TACC1: variants seen among roughly 807,000 people sequenced by gnomAD.
The protein encoded by TACC1 is transforming acidic coiled-coil-containing protein 1.
Under a neutral mutation model 84.4 loss-of-function variants are expected in TACC1, and 48 were observed. That is an observed-to-expected ratio of 0.57 (90% confidence interval 0.45 to 0.72). The LOEUF is 0.72. Among genes scored for constraint, TACC1 ranks in the 30% least tolerant of loss-of-function variants. The pLI, the probability that TACC1 is intolerant of heterozygous loss-of-function variation, is 0.00. For missense variants in TACC1, 920 were observed against 973.0 expected, an observed-to-expected ratio of 0.95 and a Z score of 0.72; for synonymous variants, 372 against 376.3, an observed-to-expected ratio of 0.99 and a Z score of 0.13.
chr8:38,803,711 G>T (rs1471485746), intron 2 of TACC1, among the ~76,000 whole-genome samples: 1 of 152,072 alleles, frequency 6.6e-6, no homozygotes, highest in East Asian at 1.9e-4. Context: ...AAAAGATGCT[G>T]GTCTGTAGTT....
upstream of TACC1, chr8:38,785,874 C>T (rs529047044): frequency 7.4e-5 from 20 of 268,626 alleles, no homozygotes; most frequent in Non-Finnish European, 9.2e-5. Context: ...AGGATGAATT[C>T]GAAAGCATCC....
chr8:38,767,409 T>C (rs1812453837), intron 3 of TACC1, among the ~76,000 whole-genome samples: 1 of 152,228 alleles, frequency 6.6e-6, no homozygotes, highest in Non-Finnish European at 1.5e-5. Flanking sequence ...CAAGTCCTTA[T>C]AACCTGGGCC....
intron 3 of TACC1, among the ~76,000 whole-genome samples, chr8:38,768,887 C>A (rs150479476): frequency 8.1e-6 from 1 of 123,928 alleles, no homozygotes; most frequent in Non-Finnish European, 1.7e-5. Flanking sequence ...GTAAGACTGT[C>A]GGGGGAGGTG....
At chr8:38,780,465 C>T (rs537893915) in intron 3 of TACC1, among the ~76,000 whole-genome samples, 2 of 152,180 alleles carry the variant, frequency 1.3e-5, no homozygotes, top group South Asian at 2.1e-4. Context: ...CGGGTTCAAG[C>T]CATCTTTTTT....
Position 38,848,417 on chromosome 8 carries a change from A to G in TACC1, c.*394A>G, listed in dbSNP as rs377625506. 51 of 157,520 alleles carry G rather than the reference A, an allele frequency of 3.2e-4. No homozygotes were observed. The highest frequency in any genetic ancestry group is 1.1e-3 in the African/African-American group (48 of 41,752). 9.8% of individuals were successfully genotyped at this position (157,520 alleles called of 1,614,324 possible). On this transcript the variant is annotated 3_prime_UTR_variant, in exon 13 of 13. Transcript: ENST00000317827. ...TGTCTGATTTTTTTGTGATCTGTTTAATCTTTTAATTTTTTAGTATCAGTG... is the reference window on the plus strand; with the variant it reads ...TGTCTGATTTTTTTGTGATCTGTTTGATCTTTTAATTTTTTAGTATCAGTG...
chr8:38,788,854 GT>G, intron 2 of TACC1, 35 bp downstream of exon 2: 1 of 1,513,936 alleles, frequency 6.6e-7, no homozygotes, highest in Non-Finnish European at 9.0e-7. Context: ...TGCCTGTTTT[GT>G]TTCAAAAGTT....
chr8:38,765,078 G>A (rs1423424185), intron 3 of TACC1, among the ~76,000 whole-genome samples: 4 of 150,926 alleles, frequency 2.7e-5, no homozygotes, highest in Admixed American at 6.6e-5. Flanking sequence ...TAGCCTGGTT[G>A]ACAAAGTGAA....
chr8:38,845,165 T>G (rs965151922), intron 11 of TACC1, among the ~76,000 whole-genome samples: 1 of 152,218 alleles, frequency 6.6e-6, no homozygotes, highest in Non-Finnish European at 1.5e-5. Context: ...CCTCAAGTGA[T>G]CCGCCCGCCT....
At chr8:38,730,913 GT>G (rs1168034700) in intron 1 of TACC1, among the ~76,000 whole-genome samples, 1 of 151,962 alleles carries the variant, frequency 6.6e-6, no homozygotes, top group Non-Finnish European at 1.5e-5. Context: ...AGGTGGTATA[GT>G]TTTTGTTTGT....
intron 2 of TACC1, among the ~76,000 whole-genome samples, chr8:38,811,358 A>C (rs557346195): frequency 6.6e-6 from 1 of 151,962 alleles, no homozygotes; most frequent in African/African-American, 2.4e-5. Context: ...ACCTCCTCCT[A>C]CTTCAGTCCT....
chr8:38,785,157 G>A (rs1816888643), upstream of TACC1, among the ~76,000 whole-genome samples: 1 of 152,126 alleles, frequency 6.6e-6, no homozygotes, highest in Non-Finnish European at 1.5e-5. Flanking sequence ...GAGGAGGTGT[G>A]TTCCAGGAAT....
intron 3 of TACC1, among the ~76,000 whole-genome samples, chr8:38,770,636 C>T (rs1813414805): frequency 6.6e-6 from 1 of 152,106 alleles, no homozygotes; most frequent in African/African-American, 2.4e-5. Context: ...TGCTGAGAGC[C>T]GCACGATAGA....
In TACC1 at chr8:38,831,138, G is replaced by C. The variant is rs371010741; in HGVS notation, c.1674G>C (p.Glu558Asp). 6.2e-7 allele frequency: 1 copy of C among 1,614,100 alleles called. No homozygotes were observed. Among genetic ancestry groups the C allele is most frequent in the Non-Finnish European group, 8.5e-7 (1 of 1,180,032 alleles). The change falls in exon 6 of 13, where the codon GAG becomes GAC. Residue 558 changes from glutamate to aspartate, a missense_variant. This residue lies in a region of TACC1 where 762 missense variants were observed against 747.3 expected (regional missense o/e 1.02). Coordinates refer to ENST00000317827, the MANE Select transcript of TACC1 (RefSeq NM_006283.3). ...FSSSEAGIEK[E>D]TCQKMEEDGS... is the part of the protein sequence containing the mutation. ...TTTCTGTCTTAGGCATAGAGAAGGA[G>C]ACGTGCCAGAAGATGGAAGAAGACG...
chr8:38,770,319 G>A (rs913956034), intron 3 of TACC1, among the ~76,000 whole-genome samples: 1 of 152,084 alleles, frequency 6.6e-6, no homozygotes, highest in African/African-American at 2.4e-5. Context: ...CCTCTCCCTA[G>A]GGGCTGTAGA....
At chr8:38,835,181 GA>G (rs1285285344) in intron 6 of TACC1, among the ~76,000 whole-genome samples, 1 of 151,764 alleles carries the variant, frequency 6.6e-6, no homozygotes, top group Non-Finnish European at 1.5e-5. Flanking sequence ...GTGAACCCGG[GA>G]GGCGGAGCTT....
chr8:38,787,393 C>T lies in TACC1; in HGVS notation c.-190C>T, dbSNP rs1198371011. 7.4e-7 allele frequency: 1 copy of T among 1,355,640 alleles called. No homozygotes were observed. The highest frequency in any genetic ancestry group is 3.1e-5 in the East Asian group (1 of 31,908). The allele number at this position is 1,355,640 out of a possible 1,614,324, so 84.0% of individuals were successfully genotyped here. On this transcript the variant is annotated 5_prime_UTR_variant, in exon 1 of 13. The change creates a new upstream start codon in the 5' untranslated region. Coordinates refer to ENST00000317827, the MANE Select transcript of TACC1 (RefSeq NM_006283.3). ...CGTGAGGGGAGGAGGCCGAGGAGGA[C>T]GCAGCGCCGGCTGCCGGCGGGAGGA...
chr8:38,746,801 C>T (rs1207145986), intron 3 of TACC1, among the ~76,000 whole-genome samples: 1 of 151,978 alleles, frequency 6.6e-6, no homozygotes, highest in Non-Finnish European at 1.5e-5. Context: ...AACTATTAAA[C>T]AGTGCAGAAT....
chr8:38,806,301 A>G (rs1822686292), intron 2 of TACC1, among the ~76,000 whole-genome samples: 1 of 152,156 alleles, frequency 6.6e-6, no homozygotes, highest in Non-Finnish European at 1.5e-5. Context: ...TCATGCCATC[A>G]GCAGGAACCC....
intron 1 of TACC1, chr8:38,728,827 A>T (rs941314838): frequency 6.6e-6 from 1 of 152,286 alleles, no homozygotes; most frequent in Non-Finnish European, 1.5e-5. Flanking sequence ...AAGTTCAGGC[A>T]TTCCTTTTCC....
Sources: allele counts gnomAD v4.1 joint callset (sites outside exome capture counted in the v4.1 genomes callset), GRCh38; gene constraint gnomAD v4.1.1; regional missense constraint gnomAD v4.1.1; transcripts MANE v1.5; gene names NCBI Gene and HGNC (gene_info 2026-07-23, HGNC 2026-07-21).